The following PPFIA2 variants were observed in gnomAD, a reference collection of about 807,000 sequenced individuals.
The protein encoded by PPFIA2 is liprin-alpha-2.
Under a neutral mutation model 175.5 loss-of-function variants are expected in PPFIA2, and 46 were observed. The observed-to-expected ratio is 0.26, with a 90% CI of 0.21 to 0.34. The LOEUF is 0.34. Ranked by LOEUF, PPFIA2 falls within the 10% of genes least tolerant of loss-of-function variation. PPFIA2 has a pLI of 1.00. For synonymous variants in PPFIA2, 568 were observed against 511.4 expected (o/e 1.11, Z -1.49); for missense variants, 1,179 against 1,506.1 (o/e 0.78, Z 3.60).
chr12:81,528,046 T>C (rs1281812672), intron 4 of PPFIA2, among the ~76,000 whole-genome samples: 1 of 152,134 alleles, frequency 6.6e-6, no homozygotes, highest in African/African-American at 2.4e-5. Flanking sequence ...CAATCACTCC[T>C]ACTAGAATGT....
intron 4 of PPFIA2, among the ~76,000 whole-genome samples, chr12:81,568,973 T>C (rs923722222): frequency 1.3e-5 from 2 of 152,138 alleles, no homozygotes; most frequent in Admixed American, 6.5e-5. Context: ...GTGGCCAAAA[T>C]AGAAAATCAC....
At chr12:81,285,955 T>A (rs933200095) in intron 24 of PPFIA2, among the ~76,000 whole-genome samples, 7 of 152,094 alleles carry the variant, frequency 4.6e-5, no homozygotes, top group Non-Finnish European at 1.0e-4. Flanking sequence ...CCATGTGTGT[T>A]ACTGCCCCAA....
chr12:81,632,183 T>C (rs1017854509), intron 4 of PPFIA2, among the ~76,000 whole-genome samples: 3 of 152,110 alleles, frequency 2.0e-5, no homozygotes, highest in Non-Finnish European at 2.9e-5. Flanking sequence ...TTGTAGACCA[T>C]GAAATACTCT....
chr12:81,455,631 G>T (rs553164485), intron 5 of PPFIA2, among the ~76,000 whole-genome samples: 2 of 152,240 alleles, frequency 1.3e-5, no homozygotes, highest in Admixed American at 1.3e-4. Context: ...TTCTCATGGG[G>T]TTCAATATGA....
intron 28 of PPFIA2, 54 bp downstream of exon 28, chr12:81,277,263 G>A: frequency 1.4e-6 from 2 of 1,450,208 alleles, no homozygotes; most frequent in South Asian, 1.4e-5. Context: ...TAGTAAAAGT[G>A]AAAGCTAAAA....
chr12:81,334,349 T>C (rs574596896), intron 21 of PPFIA2, among the ~76,000 whole-genome samples: 26 of 152,328 alleles, frequency 1.7e-4, no homozygotes, highest in Non-Finnish European at 2.9e-4. Context: ...AACTCCTCGA[T>C]GCCGATAGCC....
chr12:81,679,653 C>T (rs1050137128), intron 3 of PPFIA2, among the ~76,000 whole-genome samples: 2 of 151,834 alleles, frequency 1.3e-5, no homozygotes, highest in Admixed American at 6.6e-5. Context: ...AAATAGTATA[C>T]AGATGTATAT....
intron 19 of PPFIA2, among the ~76,000 whole-genome samples, chr12:81,342,743 A>T (rs939279950): frequency 6.6e-6 from 1 of 151,662 alleles, no homozygotes; most frequent in Non-Finnish European, 1.5e-5. Flanking sequence ...TCCCACCATG[A>T]CTCTTCTCTG....
Position 81,511,152 on chromosome 12 carries a change from G to C in PPFIA2, c.304-53286C>G, listed in dbSNP as rs538510297. ...AAAGCTGAACACTCCCTAGCATACAGAGATGATTCTGAAAAATATTGGGTC... is the reference window on the plus strand; with the variant it reads ...AAAGCTGAACACTCCCTAGCATACACAGATGATTCTGAAAAATATTGGGTC... On this transcript the variant is annotated intron_variant, in intron 4 of 32. Transcript: ENST00000549396. Among the ~76,000 whole-genome samples, 28 of 152,126 alleles carry C rather than the reference G, an allele frequency of 1.8e-4. No homozygotes were observed. In the East Asian group the frequency reaches 5.2e-3, roughly 28 times the overall value.
chr12:81,401,184 A>T (rs1042292238), intron 8 of PPFIA2, among the ~76,000 whole-genome samples: 2 of 151,990 alleles, frequency 1.3e-5, no homozygotes, highest in African/African-American at 4.8e-5. Context: ...TATTCCTACC[A>T]CCTAGAATAG....
intron 4 of PPFIA2, among the ~76,000 whole-genome samples, chr12:81,607,138 T>C (rs1422310104): frequency 6.6e-6 from 1 of 152,044 alleles, no homozygotes; most frequent in East Asian, 1.9e-4. Context: ...GTATCTTTAT[T>C]TCTGAGTTTT....
At chr12:81,448,893 G>A (rs1317070735) in intron 5 of PPFIA2, among the ~76,000 whole-genome samples, 1 of 152,112 alleles carries the variant, frequency 6.6e-6, no homozygotes, top group Non-Finnish European at 1.5e-5. Context: ...GTGTCATTAA[G>A]TTTTTGGATA....
intron 23 of PPFIA2, chr12:81,298,042 CT>C (rs1565987190): frequency 6.6e-6 from 1 of 151,864 alleles, no homozygotes; most frequent in Non-Finnish European, 1.5e-5. Flanking sequence ...AAATCTGTTT[CT>C]TTTTTCTTTT....
chr12:81,306,687 C>A (rs995983960), intron 22 of PPFIA2, among the ~76,000 whole-genome samples: 1 of 151,488 alleles, frequency 6.6e-6, no homozygotes, highest in Admixed American at 6.6e-5. Flanking sequence ...ATTATAGGCA[C>A]GTGCCACCAT....
At chr12:81,642,652 ATG>A (rs1595908275) in intron 4 of PPFIA2, among the ~76,000 whole-genome samples, 6 of 127,276 alleles carry the variant, frequency 4.7e-5, no homozygotes, top group African/African-American at 1.7e-4. Context: ...ACATACATGT[ATG>A]TATCTATTAT....
chr12:81,700,895 T>C (rs548117834), intron 3 of PPFIA2, among the ~76,000 whole-genome samples: 1 of 152,226 alleles, frequency 6.6e-6, no homozygotes, highest in Admixed American at 6.5e-5. Flanking sequence ...GCTCATAGTT[T>C]AAATTTCTTT....
chr12:81,334,353 G>A (rs541959325), intron 21 of PPFIA2, among the ~76,000 whole-genome samples: 3 of 152,086 alleles, frequency 2.0e-5, no homozygotes, highest in Non-Finnish European at 2.9e-5. Flanking sequence ...CCTCGATGCC[G>A]ATAGCCATGT....
intron 4 of PPFIA2, among the ~76,000 whole-genome samples, chr12:81,650,985 T>C (rs1440207037): frequency 6.6e-6 from 1 of 152,198 alleles, no homozygotes; most frequent in African/African-American, 2.4e-5. Flanking sequence ...GATTCAATTA[T>C]TACAGATACA....
At chr12:81,509,500 G>A (rs917199956) in intron 4 of PPFIA2, among the ~76,000 whole-genome samples, 1 of 152,024 alleles carries the variant, frequency 6.6e-6, no homozygotes, top group Non-Finnish European at 1.5e-5. Context: ...AGGAGATTAG[G>A]GGCCTTGGTG....
Sources: allele counts gnomAD v4.1 joint callset (sites outside exome capture counted in the v4.1 genomes callset), GRCh38; gene constraint gnomAD v4.1.1; transcripts MANE v1.5; gene names NCBI Gene and HGNC (gene_info 2026-07-23, HGNC 2026-07-21).